Variants in MFSD8 observed in about 807,000 individuals in gnomAD.
MFSD8 encodes major facilitator superfamily domain-containing protein 8.
A neutral mutation model predicts 66.4 loss-of-function variants in MFSD8; 55 were observed. The ratio of observed to expected loss-of-function variants is 0.83; its 90% CI spans 0.67 to 1.04. The LOEUF (loss-of-function observed/expected upper bound fraction) is 1.04, where lower values mean the gene tolerates loss of function less well. Ranked by LOEUF, MFSD8 falls within the 50% of genes least tolerant of loss-of-function variation. The pLI is 0.00. For synonymous variants in MFSD8, 202 were observed against 212.8 expected, an observed-to-expected ratio of 0.95 and a Z score of 0.44; for missense variants, 550 against 627.6, an observed-to-expected ratio of 0.88 and a Z score of 1.32.
chr4:127,941,750 C>T (rs1740231848), intron 5 of MFSD8, among the ~76,000 whole-genome samples: 1 of 152,170 alleles, frequency 6.6e-6, no homozygotes, highest in Non-Finnish European at 1.5e-5. Context: ...GTGTGGACCA[C>T]CACGCATGGC....
intron 9 of MFSD8, among the ~76,000 whole-genome samples, chr4:127,923,562 TTA>T (rs1449332855): frequency 2.0e-4 from 28 of 140,206 alleles, no homozygotes; most frequent in African/African-American, 6.2e-4. Context: ...TTTATTATTA[TTA>T]TTATTATTAT....
In MFSD8 at chr4:127,921,507, C is replaced by G; in HGVS notation, c.1350+17G>C. ...AGTATATTTTCTATAATTGCAATGT[C>G]AGGGTACCTGGCTTACCTGAGGTTT... On this transcript the variant is annotated intron_variant, in intron 11 of 11. Transcript: ENST00000641686. The G allele has an allele frequency of 6.2e-7, 1 of 1,614,016 alleles. No homozygotes were observed. The highest frequency in any genetic ancestry group is 8.5e-7 in the Non-Finnish European group (1 of 1,180,036).
intron 8 of MFSD8, among the ~76,000 whole-genome samples, chr4:127,931,198 T>C (rs1202719180): frequency 1.3e-5 from 2 of 152,204 alleles, no homozygotes; most frequent in Non-Finnish European, 2.9e-5. Context: ...TAATGTTATA[T>C]TAAGTTATCA....
In MFSD8 at chr4:127,930,770, T is replaced by G; in HGVS notation, c.911A>C (p.Gln304Pro). The G allele has an allele frequency of 6.2e-7, 1 of 1,612,968 alleles. No individual in the cohort carries two copies. Among genetic ancestry groups the G allele is most frequent in the Non-Finnish European group, 8.5e-7 (1 of 1,179,558 alleles). Residue 304 changes from glutamine to proline, a missense_variant, in exon 9 of 12, where the codon CAA becomes CCA. Coordinates refer to ENST00000641686, the MANE Select transcript of MFSD8 (RefSeq NM_001371596.2). ...TATTATGCCATTATATAACACAGCTTGTTCTTGAGTCCAGGCATACATATC... is the reference window on the plus strand; with the variant it reads ...TATTATGCCATTATATAACACAGCTGGTTCTTGAGTCCAGGCATACATATC... ...TMDMYAWTQE[Q>P]AVLYNGIILA...
At chr4:127,924,384 C>T (rs1416085028) in intron 9 of MFSD8, among the ~76,000 whole-genome samples, 5 of 152,148 alleles carry the variant, frequency 3.3e-5, no homozygotes, top group African/African-American at 1.2e-4. Flanking sequence ...CAAGCAACTT[C>T]AGCAAAGTCT....
In MFSD8 at chr4:127,955,617, A is replaced by G. The variant is rs202127117; in HGVS notation, c.154+1884T>C. ...TACTCCAAAAATCTGCTGTTTTGCC[A>G]TATTAATTATCTCAAACTGAAGGCA... On this transcript the variant is annotated intron_variant, in intron 2 of 11. Coordinates refer to ENST00000641686, the MANE Select transcript of MFSD8 (RefSeq NM_001371596.2). Among the ~76,000 whole-genome samples, 5 of 151,618 alleles carry G rather than the reference A, an allele frequency of 3.3e-5. No homozygotes were observed. The East Asian group carries it at 7.8e-4, about 24-fold the overall frequency.
At chr4:127,934,876 T>C (rs1371285324) in intron 7 of MFSD8, among the ~76,000 whole-genome samples, 1 of 127,346 alleles carries the variant, frequency 7.9e-6, no homozygotes, top group East Asian at 2.5e-4. Context: ...TATTAATACA[T>C]AAAATATTAC....
chr4:127,919,371 C>G lies in MFSD8; in HGVS notation c.*1259G>C, dbSNP rs901200912. The stretch of plus-strand genomic sequence containing the variant: ...GTGCAGATTATATAGTGTTTATTCT[C>G]AGATTTGAAACTATTTCTAACTTAA... On this transcript the variant is annotated 3_prime_UTR_variant, in exon 12 of 12. Coordinates refer to ENST00000641686, the MANE Select transcript of MFSD8 (RefSeq NM_001371596.2). 3.9e-5 allele frequency: 6 copies of G among 152,148 alleles called. No homozygotes were observed. The highest frequency in any genetic ancestry group is 1.4e-4 in the African/African-American group (6 of 41,446). 9.4% of individuals were successfully genotyped at this position (152,148 alleles called of 1,614,324 possible).
rs1737954103 is a variant in MFSD8, at chr4:127,930,570, G to T, written c.998+113C>A. ...TAATCTCTTAATAAATTGTAAATTTGTGTGCAAAAAAAAGCTTTAAATTAT... is the reference window on the plus strand; with the variant it reads ...TAATCTCTTAATAAATTGTAAATTTTTGTGCAAAAAAAAGCTTTAAATTAT... On this transcript the variant is annotated intron_variant, in intron 9 of 11. Coordinates refer to ENST00000641686, the MANE Select transcript of MFSD8 (RefSeq NM_001371596.2). 5.1e-6 allele frequency: 6 copies of T among 1,182,742 alleles called. No individual in the cohort carries two copies. The Admixed American group carries it at 6.9e-5, about 14-fold the overall frequency. The allele number at this position is 1,182,742 out of a possible 1,614,324, so 73.3% of individuals were successfully genotyped here. A position where few individuals can be genotyped will look rare whatever the true frequency, so the allele number is the denominator to read the frequency against.
Position 127,953,883 on chromosome 4 carries a change from ACTGAAT to A in MFSD8, c.154+3612_154+3617del, listed in dbSNP as rs537235346. 2.0e-3 allele frequency among the ~76,000 whole-genome samples: 299 copies of A among 152,302 alleles called. 6 individuals are homozygous for A. The highest frequency in any genetic ancestry group is 4.9e-4 in the Non-Finnish European group (33 of 68,024). ...TCATTCACTTTTCTTTTTACCCAGT[ACTGAAT>A]CATGCACAACTTTGGCAAGTGAGAG... On this transcript the variant is annotated intron_variant, in intron 2 of 11. Coordinates refer to ENST00000641686, the MANE Select transcript of MFSD8 (RefSeq NM_001371596.2).
chr4:127,934,986 A>AT (rs1270213730), intron 7 of MFSD8, among the ~76,000 whole-genome samples: 3 of 152,084 alleles, frequency 2.0e-5, no homozygotes, highest in African/African-American at 7.2e-5. Flanking sequence ...AGTTTCTATG[A>AT]TTTTTTTCAT....
At position 127,943,739 on chromosome 4, in the gene MFSD8, C is replaced by G; in HGVS notation, c.439+13G>C. 1 of 1,613,994 alleles carries G rather than the reference C, an allele frequency of 6.2e-7. No homozygotes were observed. Among genetic ancestry groups the G allele is most frequent in the Non-Finnish European group, 8.5e-7 (1 of 1,179,978 alleles). ...TGAATATGACACAACCAAACATATACATACAACCTTACCTGCTCCAATTCC... is the reference window on the plus strand; with the variant it reads ...TGAATATGACACAACCAAACATATAGATACAACCTTACCTGCTCCAATTCC... On this transcript the variant is annotated intron_variant, in intron 4 of 11. Coordinates refer to ENST00000641686, the MANE Select transcript of MFSD8 (RefSeq NM_001371596.2).
intron 9 of MFSD8, among the ~76,000 whole-genome samples, chr4:127,928,048 G>T (rs986969271): frequency 6.6e-6 from 1 of 151,844 alleles, no homozygotes; most frequent in African/African-American, 2.4e-5. Context: ...TTATTTATTT[G>T]TATTTATTTA....
At chr4:127,944,016 T>C in intron 3 of MFSD8, 24 bp from the exon 4 acceptor site, 1 of 1,613,878 alleles carries the variant, frequency 6.2e-7, no homozygotes, top group Non-Finnish European at 8.5e-7. Flanking sequence ...TACAGTGCTT[T>C]AAGAATTGTT....
At position 127,938,793 on chromosome 4, in the gene MFSD8, A is replaced by C. The variant is rs199555198; in HGVS notation, c.744T>G (p.Asn248Lys). ...ATGGGTTAAAAGTACCTTCTTCAAA[A>C]TTAATACTTTTACACTGTCTTCCTG... is the stretch of plus-strand genomic sequence containing the variant. ...DDSGRQCKSI[N>K]FEEASTDEAQ... The change falls in exon 7 of 12, where the codon AAT becomes AAG. Residue 248 changes from asparagine to lysine, a missense_variant. Asn to Lys is a moderately conservative substitution (Grantham distance 94, BLOSUM62 0). Transcript: ENST00000641686. 1 of 1,609,846 alleles carries C rather than the reference A, an allele frequency of 6.2e-7. No homozygotes were observed. Among genetic ancestry groups the C allele is most frequent in the African/African-American group, 1.3e-5 (1 of 74,958 alleles).
intron 2 of MFSD8, among the ~76,000 whole-genome samples, chr4:127,951,224 CAATTTT>C (rs1741900450): frequency 6.6e-6 from 1 of 151,878 alleles, no homozygotes; most frequent in Non-Finnish European, 1.5e-5. Flanking sequence ...TCATTACAGT[CAATTTT>C]ATTTGATTTA....
intron 3 of MFSD8, among the ~76,000 whole-genome samples, chr4:127,947,892 ACACACACT>A (rs1232866087): frequency 2.0e-4 from 30 of 150,060 alleles, no homozygotes; most frequent in African/African-American, 5.2e-4. Flanking sequence ...ACACACACAC[ACACACACT>A]CTCTCTCCAA....
At chr4:127,943,390 GTT>G (rs1007166099) in intron 4 of MFSD8, 267 of 196,610 alleles carry the variant, frequency 1.4e-3, no homozygotes, top group Middle Eastern at 4.5e-3. Flanking sequence ...TTTGTTTTGG[GTT>G]TTTTTTTTTT....
chr4:127,946,457 T>C (rs17012804), intron 3 of MFSD8, among the ~76,000 whole-genome samples: 2,100 of 152,270 alleles, frequency 0.014, 42 homozygotes, highest in African/African-American at 0.047. Context: ...ACTACCAGCA[T>C]GGAAAGAATT....
Sources: gnomAD v4.1 joint callset for allele counts (sites outside exome capture counted in the v4.1 genomes callset) on GRCh38, gnomAD v4.1.1 for gene constraint, MANE v1.5 for transcripts, NCBI Gene and HGNC (gene_info 2026-07-23, HGNC 2026-07-21) for gene names.